PIK3C2G: variants seen among roughly 807,000 people sequenced by gnomAD.
The protein encoded by PIK3C2G is phosphatidylinositol-4-phosphate 3-kinase catalytic subunit type 2 gamma.
Under a neutral mutation model 181.1 loss-of-function variants are expected in PIK3C2G, and 168 were observed. The ratio of observed to expected loss-of-function variants is 0.93; its 90% confidence interval spans 0.82 to 1.05. PIK3C2G has a LOEUF of 1.05. Among genes scored for constraint, PIK3C2G ranks in the 50% least tolerant of loss-of-function variants. The probability of loss-of-function intolerance (pLI) is 0.00; values close to 1 mark genes in which losing one functional copy is unlikely to be tolerated. For synonymous variants in PIK3C2G, 573 were observed against 592.2 expected (o/e 0.97, Z 0.47); for missense variants, 1,869 against 1,732.8 (o/e 1.08, Z -1.40).
In PIK3C2G at chr12:18,619,748, T is replaced by C. The variant is rs974220943; in HGVS notation, c.4182+10119T>C. Among the ~76,000 whole-genome samples the C allele has an allele frequency of 3.2e-3, 477 of 151,226 alleles. 2 individuals carry two copies. Among genetic ancestry groups the C allele is most frequent in the African/African-American group, 1.0e-2 (411 of 41,290 alleles). ...ATACTTCGTATGATTTTAATTTTTT[T>C]TTTTTTTTTTTGAGATGGAGTCTCA... On this transcript the variant is annotated intron_variant, in intron 31 of 32. Transcript: ENST00000538779.
At chr12:18,644,479 G>T (rs1214205110) in intron 32 of PIK3C2G, among the ~76,000 whole-genome samples, 1 of 151,922 alleles carries the variant, frequency 6.6e-6, no homozygotes, top group Non-Finnish European at 1.5e-5. Context: ...TTATTCTGTT[G>T]TAAGGTGTAA....
chr12:18,629,123 G>C (rs746471350), intron 31 of PIK3C2G, among the ~76,000 whole-genome samples: 9 of 152,118 alleles, frequency 5.9e-5, no homozygotes, highest in Non-Finnish European at 1.2e-4. Flanking sequence ...CCAGCCCCCT[G>C]GCCTAACCAT....
At chr12:18,518,766 C>G (rs1371794843) in intron 24 of PIK3C2G, among the ~76,000 whole-genome samples, 1 of 152,084 alleles carries the variant, frequency 6.6e-6, no homozygotes, top group African/African-American at 2.4e-5. Context: ...TTCTTGTCTT[C>G]TAGCTTTTTG....
At chr12:18,587,461 A>G (rs1201778849) in intron 29 of PIK3C2G, among the ~76,000 whole-genome samples, 3 of 152,088 alleles carry the variant, frequency 2.0e-5, no homozygotes, top group Non-Finnish European at 2.9e-5. Flanking sequence ...CATAATTGCC[A>G]TAAAAAGAAT....
intron 18 of PIK3C2G, among the ~76,000 whole-genome samples, chr12:18,458,563 C>A (rs1368555470): frequency 6.6e-6 from 1 of 151,994 alleles, no homozygotes; most frequent in Non-Finnish European, 1.5e-5. Flanking sequence ...CCCTGCCCTA[C>A]AATGTGGGAA....
In PIK3C2G at chr12:18,563,360, CTA is replaced by C; in HGVS notation, c.3781-15_3781-14del. Reference sequence around the variant, plus strand: ...GATATTGCCATCTTTTGATTTCTATCTATTTACTTTCTGCAGCTGTATCTGAT... The same window carrying C: ...GATATTGCCATCTTTTGATTTCTATCTTTACTTTCTGCAGCTGTATCTGAT... On this transcript the variant is annotated splice_polypyrimidine_tract_variant and intron_variant, in intron 27 of 32. Coordinates refer to ENST00000538779, the MANE Select transcript of PIK3C2G (RefSeq NM_001288772.2). 6.3e-7 allele frequency: 1 copy of C among 1,596,410 alleles called. No homozygotes were observed. The highest frequency in any genetic ancestry group is 8.5e-7 in the Non-Finnish European group (1 of 1,170,230).
chr12:18,342,550 T>G, intron 9 of PIK3C2G, among the ~76,000 whole-genome samples: 1 of 151,948 alleles, frequency 6.6e-6, no homozygotes, highest in Admixed American at 6.6e-5. Context: ...ATTTTAATGT[T>G]AATTAAAATG....
intron 26 of PIK3C2G, among the ~76,000 whole-genome samples, chr12:18,562,042 G>A (rs904890898): frequency 3.9e-5 from 6 of 152,150 alleles, no homozygotes; most frequent in African/African-American, 1.4e-4. Context: ...TGGAATTTGC[G>A]TTACTTCTGG....
At chr12:18,351,161 T>C (rs923831609) in intron 11 of PIK3C2G, among the ~76,000 whole-genome samples, 2 of 152,082 alleles carry the variant, frequency 1.3e-5, no homozygotes, top group Non-Finnish European at 1.5e-5. Flanking sequence ...AATATATTCA[T>C]AAATTTAAGT....
the PIK3C2G span, among the ~76,000 whole-genome samples, chr12:18,692,009 C>G: frequency 6.6e-6 from 1 of 152,200 alleles, no homozygotes; most frequent in African/African-American, 2.4e-5. Flanking sequence ...TGGAGTGTAG[C>G]TTCCCAAATC....
intron 17 of PIK3C2G, among the ~76,000 whole-genome samples, chr12:18,423,377 G>C (rs1053127074): frequency 1.3e-5 from 2 of 152,026 alleles, no homozygotes; most frequent in Non-Finnish European, 2.9e-5. Context: ...AAGGATAGTG[G>C]GGGCTGCCAC....
At chr12:18,596,334 A>G (rs1410996231) in intron 30 of PIK3C2G, among the ~76,000 whole-genome samples, 1 of 152,118 alleles carries the variant, frequency 6.6e-6, no homozygotes, top group Non-Finnish European at 1.5e-5. Flanking sequence ...AAATTATTAC[A>G]CTAAATATTA....
intron 11 of PIK3C2G, among the ~76,000 whole-genome samples, chr12:18,347,235 T>A (rs1297068432): frequency 1.3e-5 from 2 of 149,460 alleles, no homozygotes; most frequent in South Asian, 4.2e-4. Flanking sequence ...AAAAAAAAAA[T>A]CACTCTGATC....
chr12:18,261,182 A>T (rs866855533), upstream of PIK3C2G, among the ~76,000 whole-genome samples: 2 of 152,084 alleles, frequency 1.3e-5, no homozygotes, highest in Admixed American at 6.6e-5. Context: ...AACCACCTCC[A>T]CGTTTAAATG....
At position 18,362,766 on chromosome 12, in the gene PIK3C2G, A is replaced by G; in HGVS notation, c.1628A>G (p.Tyr543Cys). ...HNIPETWVHSYKAFSFTCWLT... is the reference protein window; with the variant it reads ...HNIPETWVHSCKAFSFTCWLT... ...GAATTGATGTTGTTTCATTTTAGCT[A>G]CAAAGCGTTTTCTTTTACCTGTTGG... Residue 543 changes from tyrosine (Y) to cysteine (C), a missense_variant and splice_region_variant, in exon 12 of 33, where the codon TAC (tyrosine) becomes TGC (cysteine). Transcript: ENST00000538779. 2.0e-6 allele frequency: 3 copies of G among 1,514,278 alleles called. No homozygotes were observed. Among genetic ancestry groups the G allele is most frequent in the Non-Finnish European group, 2.6e-6 (3 of 1,140,274 alleles). The allele number at this position is 1,514,278 out of a possible 1,614,324, so 93.8% of individuals were successfully genotyped here.
chr12:18,337,016 T>C (rs535973640), intron 8 of PIK3C2G, among the ~76,000 whole-genome samples: 1 of 152,278 alleles, frequency 6.6e-6, no homozygotes, highest in African/African-American at 2.4e-5. Flanking sequence ...CACATATCTT[T>C]GTGTGAAAAT....
chr12:18,522,407 C>T (rs1942976275), intron 24 of PIK3C2G, among the ~76,000 whole-genome samples: 1 of 152,092 alleles, frequency 6.6e-6, no homozygotes, highest in African/African-American at 2.4e-5. Context: ...GCTTAAATAA[C>T]TCCCATTAGC....
At chr12:18,645,284 G>GA (rs552792572) in intron 32 of PIK3C2G, among the ~76,000 whole-genome samples, 7 of 148,790 alleles carry the variant, frequency 4.7e-5, no homozygotes, top group Admixed American at 2.0e-4. Context: ...TTGCTCAGTT[G>GA]AAAAGAGTAC....
At chr12:18,259,077 C>G (rs763329686), upstream of PIK3C2G, among the ~76,000 whole-genome samples, 9 of 151,910 alleles carry the variant, frequency 5.9e-5, no homozygotes, top group Non-Finnish European at 1.2e-4. Flanking sequence ...TGTTTTTCAC[C>G]CAGGTAGTAA....
Sources: allele counts gnomAD v4.1 joint callset (sites outside exome capture counted in the v4.1 genomes callset), GRCh38; gene constraint gnomAD v4.1.1; transcripts MANE v1.5; gene names NCBI Gene and HGNC (gene_info 2026-07-23, HGNC 2026-07-21).